The following RAD51B variants were observed in gnomAD, a reference collection of about 807,000 sequenced individuals.
RAD51B encodes the protein RAD51 paralog B.
Under a neutral mutation model 42.2 loss-of-function variants are expected in RAD51B, and 38 were observed. The ratio of observed to expected loss-of-function variants is 0.90; its 90% CI spans 0.70 to 1.18. The LOEUF (loss-of-function observed/expected upper bound fraction) is 1.18. RAD51B is among the 50% of genes most tolerant of loss of function. The pLI is 0.00. For synonymous variants in RAD51B, 154 were observed against 145.2 expected (o/e 1.06, Z -0.43); for missense variants, 373 against 400.7 (o/e 0.93, Z 0.59).
intron 9 of RAD51B, among the ~76,000 whole-genome samples, chr14:68,415,168 G>A (rs1350651434): frequency 6.6e-6 from 1 of 151,830 alleles, no homozygotes; most frequent in Non-Finnish European, 1.5e-5. Flanking sequence ...CAGTAGAGCT[G>A]AGCATCAGTG....
At position 68,332,310 on chromosome 14, in the gene RAD51B, CAT is replaced by C. The variant is rs1231033484; in HGVS notation, c.853+40331_853+40332del. Among the ~76,000 whole-genome samples the C allele has an allele frequency of 1.9e-3, 288 of 152,218 alleles. 1 individual carries two copies. The highest frequency in any genetic ancestry group is 5.0e-3 in the African/African-American group (209 of 41,536). On this transcript the variant is annotated intron_variant, in intron 8 of 10. Transcript: ENST00000471583. ...CACAAATGAGATACACACACACACA[CAT>C]GTATATTATACATCTCTGCATATAT... is the stretch of plus-strand genomic sequence containing the variant.
chr14:68,514,727 T>G (rs1886010550), intron 10 of RAD51B, among the ~76,000 whole-genome samples: 1 of 152,214 alleles, frequency 6.6e-6, no homozygotes, highest in Non-Finnish European at 1.5e-5. Context: ...CAGGCCAGGA[T>G]AAGGTGTGGT....
intron 7 of RAD51B, among the ~76,000 whole-genome samples, chr14:68,024,268 G>A (rs2075916117): frequency 6.6e-6 from 1 of 152,112 alleles, no homozygotes; most frequent in Non-Finnish European, 1.5e-5. Flanking sequence ...AAGTCAATTA[G>A]TGTAATGCTT....
intron 7 of RAD51B, among the ~76,000 whole-genome samples, chr14:68,175,899 A>G (rs1013077064): frequency 2.0e-5 from 3 of 152,180 alleles, no homozygotes; most frequent in Admixed American, 2.0e-4. Flanking sequence ...TGATTTCTCT[A>G]CTATATATGC....
chr14:68,108,087 TCAGTCATTGATGGAATA>T (rs1246728057), intron 7 of RAD51B, among the ~76,000 whole-genome samples: 1 of 151,802 alleles, frequency 6.6e-6, no homozygotes, highest in Non-Finnish European at 1.5e-5. Context: ...CTCAACAGCA[TCAGTCATTGATGGAATA>T]CAAGTCAAAA....
chr14:68,597,339 G>A (rs1455780190), downstream of RAD51B, among the ~76,000 whole-genome samples: 1 of 152,160 alleles, frequency 6.6e-6, no homozygotes, highest in South Asian at 2.1e-4. Context: ...GGGACATTGA[G>A]GATGACAGGA....
In RAD51B at chr14:68,518,463, C is replaced by T. The variant is rs540230754; in HGVS notation, c.1036+50213C>T. On this transcript the variant is annotated intron_variant, in intron 10 of 10. Transcript: ENST00000487270. ...CACATCTGTTCGCCTAGTCGGGGGG[C>T]GGGAGGAAATCACCAGAACCTTCAA... Among the ~76,000 whole-genome samples the T allele has an allele frequency of 9.2e-5, 14 of 152,074 alleles. No homozygotes were observed. In the South Asian group the frequency reaches 2.9e-3, roughly 32 times the overall value.
intron 10 of RAD51B, among the ~76,000 whole-genome samples, chr14:68,573,980 ATGTGTG>A (rs58865001): frequency 9.3e-5 from 14 of 149,810 alleles, no homozygotes; most frequent in South Asian, 6.4e-4. Context: ...CAGTGTGTGT[ATGTGTG>A]TGTGTGTGTG....
intron 7 of RAD51B, among the ~76,000 whole-genome samples, chr14:68,063,287 A>G (rs559289213): frequency 2.0e-5 from 3 of 152,116 alleles, no homozygotes; most frequent in African/African-American, 7.2e-5. Flanking sequence ...TTCTTGGCCA[A>G]ATCTCATGTT....
chr14:68,672,124 A>G (rs967948731), intron 11 of RAD51B, among the ~76,000 whole-genome samples: 3 of 152,214 alleles, frequency 2.0e-5, no homozygotes, highest in Non-Finnish European at 4.4e-5. Context: ...TGAGTCCCAG[A>G]GGCTAATATT....
At chr14:68,087,913 T>C (rs573432304) in intron 7 of RAD51B, among the ~76,000 whole-genome samples, 1 of 123,950 alleles carries the variant, frequency 8.1e-6, no homozygotes, top group Admixed American at 9.8e-5. Flanking sequence ...TATAATTATA[T>C]AATATATTAT....
At chr14:68,266,174 C>G (rs754041335) in intron 7 of RAD51B, among the ~76,000 whole-genome samples, 1 of 152,212 alleles carries the variant, frequency 6.6e-6, no homozygotes, top group Non-Finnish European at 1.5e-5. Context: ...TCACCTATTG[C>G]AAGGTTCATT....
At chr14:67,826,807 C>T (rs1026222310) in intron 3 of RAD51B, among the ~76,000 whole-genome samples, 1 of 151,992 alleles carries the variant, frequency 6.6e-6, no homozygotes, top group African/African-American at 2.4e-5. Context: ...CGCAGCCTCC[C>T]GAGTGGCTGG....
intron 7 of RAD51B, among the ~76,000 whole-genome samples, chr14:67,969,442 T>C (rs2074853832): frequency 6.6e-6 from 1 of 152,194 alleles, no homozygotes; most frequent in South Asian, 2.1e-4. Context: ...CAGGACTCTT[T>C]GTTTATATAT....
chr14:68,610,841 ATATGTGTGTGTGTGTG>A (rs975249561), intron 10 of RAD51B, among the ~76,000 whole-genome samples: 2 of 71,142 alleles, frequency 2.8e-5, no homozygotes, highest in African/African-American at 1.1e-4. Context: ...ATCTGAATGT[ATATGTGTGTGTGTGTG>A]TGTGTGTGTG....
chr14:67,928,625 G>C (rs183320155), intron 7 of RAD51B, among the ~76,000 whole-genome samples: 126 of 152,140 alleles, frequency 8.3e-4, no homozygotes, highest in Non-Finnish European at 1.5e-4. Flanking sequence ...CTTGGTACTT[G>C]TGGTGACAAG....
intron 10 of RAD51B, among the ~76,000 whole-genome samples, chr14:68,502,846 G>A (rs1194159802): frequency 6.6e-6 from 1 of 152,182 alleles, no homozygotes. Context: ...ACAGGATCCT[G>A]TGTGGACTCC....
At chr14:68,061,302 C>T (rs913971332) in intron 7 of RAD51B, among the ~76,000 whole-genome samples, 1 of 152,066 alleles carries the variant, frequency 6.6e-6, no homozygotes, top group African/African-American at 2.4e-5. Flanking sequence ...CTCCTGGCCT[C>T]AAATGATCCA....
intron 7 of RAD51B, among the ~76,000 whole-genome samples, chr14:67,977,248 T>G (rs2075013088): frequency 6.6e-6 from 1 of 152,214 alleles, no homozygotes; most frequent in South Asian, 2.1e-4. Context: ...TGTATCCTGG[T>G]TGATTGAAAA....
Sources: allele counts gnomAD v4.1 joint callset (sites outside exome capture counted in the v4.1 genomes callset), GRCh38; gene constraint gnomAD v4.1.1; transcripts MANE v1.5; gene names NCBI Gene and HGNC (gene_info 2026-07-23, HGNC 2026-07-21).